PCDHA10: variants seen among roughly 807,000 people sequenced by gnomAD.
The protein encoded by PCDHA10 is protocadherin alpha-10.
PCDHA10 carries 45 observed loss-of-function variants against 61.2 expected under a neutral mutation model. The observed-to-expected ratio is 0.74, with a 90% CI of 0.58 to 0.94. The LOEUF (loss-of-function observed/expected upper bound fraction) is 0.94. Among genes scored for constraint, PCDHA10 ranks in the 40% least tolerant of loss-of-function variants. The pLI is 0.00. For missense variants in PCDHA10, 1,278 were observed against 1,236.2 expected (o/e 1.03, Z -0.51); for synonymous variants, 602 against 548.8 (o/e 1.10, Z -1.35).
intron 3 of PCDHA10, among the ~76,000 whole-genome samples, chr5:141,001,011 A>G (rs912284389): frequency 3.9e-5 from 6 of 152,206 alleles, no homozygotes; most frequent in African/African-American, 1.4e-4. Context: ...ATGTATTTAG[A>G]TATACACTTA....
chr5:140,881,680 T>G (rs1391876461), intron 1 of PCDHA10, among the ~76,000 whole-genome samples: 1 of 152,268 alleles, frequency 6.6e-6, no homozygotes. Flanking sequence ...GTGATTGTTA[T>G]GTTTCCTTTT....
At position 140,969,365 on chromosome 5, in the gene PCDHA10, C is replaced by T. The variant is rs190730712; in HGVS notation, c.2389-9584C>T. The T allele has an allele frequency of 5.3e-5, 86 of 1,610,040 alleles. No homozygotes were observed. The African/African-American group carries it at 9.2e-4, about 17-fold the overall frequency. On this transcript the variant is annotated intron_variant, in intron 1 of 3. Transcript: ENST00000307360. ...GTGGTCAGGGGGTCTTCTACAAACT[C>T]ATGCATTTGTTACACATCCCCCAAT...
chr5:140,883,159 G>T (rs782151764), intron 1 of PCDHA10: 3 of 1,613,846 alleles, frequency 1.9e-6, no homozygotes, highest in South Asian at 1.1e-5. Flanking sequence ...CCATAAATCC[G>T]AACAATGGAG....
intron 1 of PCDHA10, among the ~76,000 whole-genome samples, chr5:140,957,852 A>T (rs968818783): frequency 6.6e-6 from 1 of 151,658 alleles, no homozygotes. Flanking sequence ...GAGTTTGTGT[A>T]TTTTTTTTCC....
chr5:140,870,917 G>A, intron 1 of PCDHA10: 1 of 1,613,936 alleles, frequency 6.2e-7, no homozygotes, highest in Non-Finnish European at 8.5e-7. Flanking sequence ...TACAACGCGT[G>A]GCTTTCATAT....
chr5:140,926,835 T>C (rs2083586569), intron 1 of PCDHA10: 4 of 1,505,630 alleles, frequency 2.7e-6, no homozygotes, highest in East Asian at 2.3e-5. Context: ...GTCCGGAGCA[T>C]GGTCCTGGGT....
chr5:140,949,679 T>A (rs246046), intron 1 of PCDHA10, among the ~76,000 whole-genome samples: 85,531 of 151,538 alleles, frequency 0.56, 24,739 homozygotes, highest in African/African-American at 0.69. Context: ...ATGCCCTTGT[T>A]GAAGCGTATT....
At chr5:140,976,011 C>A (rs983997714) in intron 1 of PCDHA10, among the ~76,000 whole-genome samples, 10 of 152,230 alleles carry the variant, frequency 6.6e-5, no homozygotes, top group Admixed American at 1.3e-4. Flanking sequence ...TATTAAAGAA[C>A]TAAATAATCA....
chr5:140,967,030 C>T, intron 1 of PCDHA10: 1 of 1,609,320 alleles, frequency 6.2e-7, no homozygotes, highest in Non-Finnish European at 8.5e-7. Flanking sequence ...CCAGTCCGCG[C>T]TACCTGGAGC....
At chr5:140,902,917 T>G (rs1235478755) in intron 1 of PCDHA10, among the ~76,000 whole-genome samples, 1 of 152,230 alleles carries the variant, frequency 6.6e-6, no homozygotes, top group Non-Finnish European at 1.5e-5. Context: ...CTGAGTAGTA[T>G]TGCATGGTGT....
intron 1 of PCDHA10, chr5:140,968,996 G>T: frequency 1.2e-6 from 2 of 1,614,202 alleles, no homozygotes; most frequent in Non-Finnish European, 1.7e-6. Flanking sequence ...ATGCTGTGGA[G>T]GCTTCTGTGG....
intron 1 of PCDHA10, chr5:140,883,540 G>A (rs782359917): frequency 1.9e-6 from 3 of 1,614,222 alleles, no homozygotes; most frequent in Non-Finnish European, 2.5e-6. Context: ...ATGAACTGGT[G>A]GTGACCGCGC....
chr5:140,866,542 C>T (rs533433206), intron 1 of PCDHA10: 19 of 152,230 alleles, frequency 1.2e-4, no homozygotes, highest in African/African-American at 3.4e-4. Context: ...ATTAGCATCA[C>T]GGAATAAATC....
chr5:140,869,082 T>C (rs1554162459), intron 1 of PCDHA10: 1 of 1,582,446 alleles, frequency 6.3e-7, no homozygotes, highest in East Asian at 2.2e-5. Flanking sequence ...GAAGCTTATT[T>C]TGGAAGCCAA....
chr5:140,880,800 T>A (rs1453041032), intron 1 of PCDHA10, among the ~76,000 whole-genome samples: 1 of 152,130 alleles, frequency 6.6e-6, no homozygotes, highest in Admixed American at 6.6e-5. Context: ...TATAAATAGG[T>A]GAATGACTCT....
intron 1 of PCDHA10, among the ~76,000 whole-genome samples, chr5:140,924,898 AAAAAAAATAAAAT>A (rs1214088536): frequency 1.9e-4 from 10 of 53,034 alleles, no homozygotes; most frequent in Non-Finnish European, 1.3e-4. Context: ...CTGTCTCAAA[AAAAAAAATAAAAT>A]AAAATAAAAT....
At chr5:141,001,653 G>A (rs2098030504) in intron 3 of PCDHA10, among the ~76,000 whole-genome samples, 1 of 152,182 alleles carries the variant, frequency 6.6e-6, no homozygotes, top group African/African-American at 2.4e-5. Context: ...TGTGGGAGAA[G>A]GCGGAGCTTG....
chr5:140,882,307 A>G (rs2153383804), intron 1 of PCDHA10: 1 of 1,613,900 alleles, frequency 6.2e-7, no homozygotes, highest in South Asian at 1.1e-5. Context: ...GACCGCGGCA[A>G]CTACTGCTCT....
intron 2 of PCDHA10, among the ~76,000 whole-genome samples, chr5:140,981,687 A>ATCATTCAT (rs200213847): frequency 0.01 from 1,586 of 152,088 alleles, 32 homozygotes; most frequent in African/African-American, 0.036. Flanking sequence ...CCTCCCTTCC[A>ATCATTCAT]TCATTCATTC....
Sources: allele counts gnomAD v4.1 joint callset (sites outside exome capture counted in the v4.1 genomes callset), GRCh38; gene constraint gnomAD v4.1.1; transcripts MANE v1.5; gene names NCBI Gene and HGNC (gene_info 2026-07-23, HGNC 2026-07-21).